The following FXR2 variants were observed in gnomAD, a reference collection of about 807,000 sequenced individuals.
The protein encoded by FXR2 is FMR1 autosomal homolog 2.
FXR2 carries 9 observed loss-of-function variants against 87.3 expected under a neutral mutation model. The observed-to-expected ratio is 0.10, with a 90% confidence interval of 0.06 to 0.18. FXR2 has a LOEUF of 0.18. Ranked by LOEUF, FXR2 falls within the 10% of genes least tolerant of loss-of-function variation. The pLI is 1.00. For missense variants in FXR2, 661 were observed against 893.6 expected, an observed-to-expected ratio of 0.74 and a Z score of 3.32; for synonymous variants, 331 against 328.3, an observed-to-expected ratio of 1.01 and a Z score of -0.09.
At chr17:7,598,312 G>A (rs1030334527) in intron 7 of FXR2, among the ~76,000 whole-genome samples, 4 of 152,134 alleles carry the variant, frequency 2.6e-5, no homozygotes, top group Admixed American at 1.3e-4. Flanking sequence ...AAAATCAGCC[G>A]GGCGTGGTGG....
intron 7 of FXR2, among the ~76,000 whole-genome samples, chr17:7,600,883 C>T (rs1302480692): frequency 6.7e-6 from 1 of 149,458 alleles, no homozygotes; most frequent in East Asian, 2.0e-4. Context: ...GACTCCGTCT[C>T]AAAAAAAACC....
chr17:7,591,796 G>A lies in FXR2; in HGVS notation c.*34C>T. On this transcript the variant is annotated 3_prime_UTR_variant, in exon 17 of 17. Transcript: ENST00000250113. This position sits in a 1 kb window ranked among gnomAD's most constrained non-coding sequence, Gnocchi z 4.0. ...AGGGCCATGGTGTTGGGCAGCAAGC[G>A]AGATGGAGAAGGGAGGGGTGCAGGT... 3 of 1,106,704 alleles carry A rather than the reference G, an allele frequency of 2.7e-6. No homozygotes were observed. The highest frequency in any genetic ancestry group is 4.2e-6 in the Non-Finnish European group (3 of 717,280). The allele number at this position is 1,106,704 out of a possible 1,614,324, so 68.6% of individuals were successfully genotyped here. A position where few individuals can be genotyped will look rare whatever the true frequency, so the allele number is the denominator to read the frequency against.
chr17:7,613,050 T>C (rs2071887346), intron 1 of FXR2, among the ~76,000 whole-genome samples: 1 of 137,392 alleles, frequency 7.3e-6, no homozygotes, highest in Admixed American at 7.3e-5. Context: ...GCAACTGAAG[T>C]ACAGGCAGAA....
Position 7,614,651 on chromosome 17 carries a change from G to T in FXR2, c.-119C>A. On this transcript the variant is annotated 5_prime_UTR_variant, in exon 1 of 17. Coordinates refer to ENST00000250113, the MANE Select transcript of FXR2 (RefSeq NM_004860.4). Reference sequence around the variant, plus strand: ...AGCCGGAGGGGGAGCCGCGGGGGGCGGGAGCCGGGCCGGCCCCACGGCGGC... The same window carrying T: ...AGCCGGAGGGGGAGCCGCGGGGGGCTGGAGCCGGGCCGGCCCCACGGCGGC... 7 of 497,528 alleles carry T rather than the reference G, an allele frequency of 1.4e-5. No homozygotes were observed. Among genetic ancestry groups the T allele is most frequent in the Non-Finnish European group, 2.2e-5 (7 of 325,010 alleles). 30.8% of individuals were successfully genotyped at this position (497,528 alleles called of 1,614,324 possible).
intron 6 of FXR2, 81 bp downstream of exon 6, chr17:7,602,828 C>G: frequency 1.4e-6 from 1 of 723,002 alleles, no homozygotes; most frequent in Non-Finnish European, 2.5e-6. Context: ...TTAAGCCCTT[C>G]TCTTTCTGCA....
chr17:7,596,873 C>G (rs553257308), intron 7 of FXR2, among the ~76,000 whole-genome samples: 1 of 152,196 alleles, frequency 6.6e-6, no homozygotes, highest in South Asian at 2.1e-4. Context: ...GAGGCTGAGG[C>G]AGGTGGATCA....
In FXR2 at chr17:7,601,635, A is replaced by G. The variant is rs2071756470; in HGVS notation, c.544-110T>C. ...TAAGTCCCGGGAAAAGGGTTAAGAA[A>G]TGAAGCTAGGAGACCGGGCGCGGTG... On this transcript the variant is annotated intron_variant, in intron 6 of 16. Coordinates refer to ENST00000250113, the MANE Select transcript of FXR2 (RefSeq NM_004860.4). The G allele has an allele frequency of 1.2e-5, 9 of 729,078 alleles. No individual in the cohort carries two copies. The South Asian group carries it at 1.4e-4, about 11-fold the overall frequency. The allele number at this position is 729,078 out of a possible 1,614,324, so 45.2% of individuals were successfully genotyped here.
At position 7,605,704 on chromosome 17, in the gene FXR2, C is replaced by T. The variant is rs770529134; in HGVS notation, c.169G>A (p.Val57Ile). ...TAGTCAGCTGGAGGTGGTAGCCGGA[C>T]ATCCCCAAAAGGAATTTGTCTCTCA... is the stretch of plus-strand genomic sequence containing the variant. ...QSERQIPFGD[V>I]RLPPPADYNK... The change falls in exon 3 of 17, where the codon GTC becomes ATC. Residue 57 changes from valine to isoleucine, a missense_variant. By Grantham distance (29) the Val-to-Ile change is conservative. This residue lies in a region of FXR2 where 170 missense variants were observed against 247.2 expected (regional missense o/e 0.69). Transcript: ENST00000250113. 3.8e-6 allele frequency: 6 copies of T among 1,597,598 alleles called. No homozygotes were observed. In the South Asian group the frequency reaches 4.4e-5, roughly 12 times the overall value.
chr17:7,613,414 T>C (rs1567755336), intron 1 of FXR2, among the ~76,000 whole-genome samples: 1 of 151,842 alleles, frequency 6.6e-6, no homozygotes, highest in Non-Finnish European at 1.5e-5. Flanking sequence ...TTAATCTAAA[T>C]GGGAAAAAAA....
In FXR2 at chr17:7,593,184, G is replaced by A. The variant is rs758157781; in HGVS notation, c.1331-3C>T. ...TGTAGACACATCTGAGCTGGGGCCT[G>A]AAGAACACAATGGGATTTATTCACG... On this transcript the variant is annotated splice_polypyrimidine_tract_variant and splice_region_variant and intron_variant, in intron 12 of 16. Transcript: ENST00000250113. This position sits in a 1 kb window ranked among gnomAD's most constrained non-coding sequence, Gnocchi z 6.1. 3 of 1,514,812 alleles carry A rather than the reference G, an allele frequency of 2.0e-6. No homozygotes were observed. The highest frequency in any genetic ancestry group is 2.6e-6 in the Non-Finnish European group (3 of 1,132,500). 93.8% of individuals were successfully genotyped at this position (1,514,812 alleles called of 1,614,324 possible).
intron 1 of FXR2, among the ~76,000 whole-genome samples, chr17:7,607,706 T>C (rs1377154623): frequency 6.6e-6 from 1 of 151,618 alleles, no homozygotes; most frequent in Non-Finnish European, 1.5e-5. Flanking sequence ...GAATTAAAGA[T>C]GTGAGCCACT....
intron 1 of FXR2, among the ~76,000 whole-genome samples, chr17:7,607,553 G>A (rs1005223868): frequency 1.4e-4 from 21 of 150,814 alleles, no homozygotes; most frequent in African/African-American, 3.4e-4. Flanking sequence ...TCAGCCTCAC[G>A]AGTAGCTGAG....
At position 7,592,251 on chromosome 17, in the gene FXR2, T is replaced by A; in HGVS notation, c.1926+3A>T. ...TGGGGTAAAGCACATCTTGCCTGCC[T>A]ACCTTCTGTCCTGAAAGAGAGTCTT... On this transcript the variant is annotated splice_donor_region_variant and intron_variant, in intron 16 of 16. Coordinates refer to ENST00000250113, the MANE Select transcript of FXR2 (RefSeq NM_004860.4). This position sits in a 1 kb window ranked among gnomAD's most constrained non-coding sequence, Gnocchi z 4.8. The A allele has an allele frequency of 6.2e-7, 1 of 1,604,926 alleles. No homozygotes were observed. The highest frequency in any genetic ancestry group is 2.2e-5 in the East Asian group (1 of 44,788).
At chr17:7,606,418 GCCTC>G (rs372643677) in intron 1 of FXR2, among the ~76,000 whole-genome samples, 89 of 152,248 alleles carry the variant, frequency 5.8e-4, no homozygotes, top group African/African-American at 1.9e-3. Flanking sequence ...TCCCACAGGG[GCCTC>G]CCTATCTGTC....
In FXR2 at chr17:7,594,834, G is replaced by C; in HGVS notation, c.832-77C>G. ...GTGGTGGCTCACGCCTGTAATCCCA[G>C]CACTTTGGGAGGCTGGAGGCAGGTG... On this transcript the variant is annotated intron_variant, in intron 8 of 16. Coordinates refer to ENST00000250113, the MANE Select transcript of FXR2 (RefSeq NM_004860.4). The surrounding 1 kb of genome is among the most constrained non-coding windows in gnomAD (Gnocchi z 5.1). The C allele has an allele frequency of 3.4e-6, 3 of 888,604 alleles. No individual in the cohort carries two copies. The highest frequency in any genetic ancestry group is 5.7e-6 in the Non-Finnish European group (3 of 522,326). The allele number at this position is 888,604 out of a possible 1,614,324, so 55.0% of individuals were successfully genotyped here.
chr17:7,608,549 TAG>T (rs1392858753), intron 1 of FXR2, among the ~76,000 whole-genome samples: 4 of 150,372 alleles, frequency 2.7e-5, no homozygotes, highest in Non-Finnish European at 4.4e-5. Flanking sequence ...AGCCAGGAGT[TAG>T]AGACTGCAGT....
Position 7,593,709 on chromosome 17 carries a change from T to C in FXR2, c.1108-84A>G. 1.0e-6 allele frequency: 1 copy of C among 974,514 alleles called. No individual in the cohort carries two copies. The highest frequency in any genetic ancestry group is 1.6e-6 in the Non-Finnish European group (1 of 633,656). 60.4% of individuals were successfully genotyped at this position (974,514 alleles called of 1,614,324 possible). A position where few individuals can be genotyped will look rare whatever the true frequency, so the allele number is the denominator to read the frequency against. On this transcript the variant is annotated intron_variant, in intron 11 of 16. Transcript: ENST00000250113. This position sits in a 1 kb window ranked among gnomAD's most constrained non-coding sequence, Gnocchi z 6.1. ...TGCTTCTGCACCCTGACTGTCCCTC[T>C]ATATCTAACCTCTCAGGAATGCAGG...
intron 1 of FXR2, among the ~76,000 whole-genome samples, chr17:7,608,031 T>G (rs1597879826): frequency 6.6e-6 from 1 of 151,950 alleles, no homozygotes; most frequent in Non-Finnish European, 1.5e-5. Flanking sequence ...CCTCTGGTGA[T>G]CCACCCGCCT....
chr17:7,603,964 C>T, intron 4 of FXR2, 45 bp downstream of exon 4: 1 of 1,608,882 alleles, frequency 6.2e-7, no homozygotes, highest in Non-Finnish European at 8.5e-7. Flanking sequence ...CTATGAATAA[C>T]ATATTTGTTT....
Sources: gnomAD v4.1 joint callset for allele counts (sites outside exome capture counted in the v4.1 genomes callset) on GRCh38, gnomAD v4.1.1 for gene constraint, gnomAD v4.1.1 regional missense constraint, Gnocchi (gnomAD v3.1) non-coding constraint, MANE v1.5 for transcripts, NCBI Gene and HGNC (gene_info 2026-07-23, HGNC 2026-07-21) for gene names.